Variants in ADAMTSL3 observed in about 807,000 individuals in gnomAD.
The protein encoded by ADAMTSL3 is ADAMTS like 3, also known as ADAMTS-like protein 3.
In ADAMTSL3, 128 loss-of-function variants were observed where a neutral mutation model predicts 201.7. That is an observed-to-expected ratio of 0.63 (90% CI 0.55 to 0.73). ADAMTSL3 has a LOEUF of 0.73. ADAMTSL3 is among the 30% of genes least tolerant of loss of function. The probability of loss-of-function intolerance (pLI) is 0.00; values close to 1 mark genes in which losing one functional copy is unlikely to be tolerated. For missense variants in ADAMTSL3, 1,990 were observed against 2,119.6 expected (o/e 0.94, Z 1.20); for synonymous variants, 738 against 748.4 (o/e 0.99, Z 0.23).
At chr15:83,885,753 C>G (rs2141871975) in intron 10 of ADAMTSL3, among the ~76,000 whole-genome samples, 1 of 150,752 alleles carries the variant, frequency 6.6e-6, no homozygotes, top group African/African-American at 2.4e-5. Flanking sequence ...TTTTTTGAGT[C>G]TCGCTCTGTC....
At chr15:83,924,218 A>G (rs149603468) in intron 17 of ADAMTSL3, among the ~76,000 whole-genome samples, 185 bp downstream of exon 17, 4 of 152,358 alleles carry the variant, frequency 2.6e-5, no homozygotes, top group African/African-American at 9.6e-5. Context: ...AGATGCAGCC[A>G]TGTTGCACAG....
chr15:84,036,527 G>A (rs556832813), intron 28 of ADAMTSL3, among the ~76,000 whole-genome samples: 1 of 152,182 alleles, frequency 6.6e-6, no homozygotes, highest in African/African-American at 2.4e-5. Flanking sequence ...CACATGGTTT[G>A]CTTGCCATGC....
chr15:84,024,738 T>C (rs750433358), intron 26 of ADAMTSL3, among the ~76,000 whole-genome samples: 4 of 152,248 alleles, frequency 2.6e-5, no homozygotes, highest in African/African-American at 9.6e-5. Context: ...CCAGCTCTGC[T>C]GGCAGGTTAG....
chr15:83,668,945 G>C (rs1254774099), intron 2 of ADAMTSL3, among the ~76,000 whole-genome samples: 1 of 152,118 alleles, frequency 6.6e-6, no homozygotes, highest in Non-Finnish European at 1.5e-5. Context: ...TTAAGCTTCT[G>C]CTTATGTCAT....
intron 2 of ADAMTSL3, among the ~76,000 whole-genome samples, chr15:83,663,666 C>G (rs2061207398): frequency 6.6e-6 from 1 of 152,236 alleles, no homozygotes; most frequent in African/African-American, 2.4e-5. Flanking sequence ...AAATGTACTT[C>G]CCATGACCTT....
chr15:83,911,466 G>T (rs193008672), intron 15 of ADAMTSL3, among the ~76,000 whole-genome samples: 1 of 152,038 alleles, frequency 6.6e-6, no homozygotes, highest in Non-Finnish European at 1.5e-5. Context: ...GGGATTTCTC[G>T]TCTTTAACCA....
At chr15:83,945,748 G>A (rs1324792843) in intron 19 of ADAMTSL3, 2 of 152,208 alleles carry the variant, frequency 1.3e-5, no homozygotes, top group Admixed American at 6.5e-5. Context: ...GTGGCCCAAG[G>A]ACTAGTCAAA....
chr15:84,022,713 A>G (rs770201338), intron 26 of ADAMTSL3, among the ~76,000 whole-genome samples: 9 of 152,200 alleles, frequency 5.9e-5, no homozygotes, highest in Non-Finnish European at 7.3e-5. Flanking sequence ...TGACTGACTG[A>G]GTAAATGAGT....
intron 9 of ADAMTSL3, among the ~76,000 whole-genome samples, chr15:83,872,627 C>CACACACACACACACACACACACAGAG (rs6145659): frequency 5.2e-4 from 73 of 141,008 alleles, no homozygotes; most frequent in African/African-American, 1.1e-3. Context: ...CACACACACA[C>CACACACACACACACACACACACAGAG]AGAGTTTTTG....
At chr15:84,009,474 A>G (rs954076091) in intron 23 of ADAMTSL3, among the ~76,000 whole-genome samples, 2 of 152,256 alleles carry the variant, frequency 1.3e-5, no homozygotes, top group African/African-American at 4.8e-5. Context: ...TGATCGAATA[A>G]TATATGTACT....
Position 83,764,862 on chromosome 15 carries a change from G to A in ADAMTSL3, c.190-8661G>A, listed in dbSNP as rs557955318. ...GTGTGCTCAGCATATGGGATATGTG[G>A]TGCTAGCAGGAGCCACCAGAGATGA... is the stretch of plus-strand genomic sequence containing the variant. On this transcript the variant is annotated intron_variant, in intron 3 of 29. Transcript: ENST00000286744. Among the ~76,000 whole-genome samples the A allele has an allele frequency of 2.0e-5, 3 of 152,296 alleles. No individual in the cohort carries two copies. In the South Asian group the frequency reaches 6.2e-4, roughly 32 times the overall value.
At chr15:83,849,022 G>A (rs2064556560) in intron 7 of ADAMTSL3, among the ~76,000 whole-genome samples, 1 of 152,126 alleles carries the variant, frequency 6.6e-6, no homozygotes, top group African/African-American at 2.4e-5. Context: ...CAATGAATGT[G>A]ATCAACAGGA....
intron 13 of ADAMTSL3, 123 bp downstream of exon 13, chr15:83,893,011 T>C: frequency 1.1e-6 from 1 of 897,024 alleles, no homozygotes; most frequent in East Asian, 2.7e-5. Flanking sequence ...GCATGGTTCC[T>C]ACTCCAAAGA....
chr15:83,886,835 A>G (rs2065401725), intron 10 of ADAMTSL3, among the ~76,000 whole-genome samples: 1 of 152,214 alleles, frequency 6.6e-6, no homozygotes, highest in Non-Finnish European at 1.5e-5. Flanking sequence ...TCCCCCTAAA[A>G]CAACAGGGCA....
intron 4 of ADAMTSL3, among the ~76,000 whole-genome samples, chr15:83,797,136 A>T (rs536722841): frequency 2.0e-5 from 3 of 152,246 alleles, no homozygotes; most frequent in Non-Finnish European, 4.4e-5. Context: ...TTGACAATGA[A>T]TATAACCAAT....
intron 3 of ADAMTSL3, among the ~76,000 whole-genome samples, chr15:83,720,008 C>T (rs2062075782): frequency 6.6e-6 from 1 of 152,076 alleles, no homozygotes; most frequent in Admixed American, 6.6e-5. Context: ...TCACTTGAGG[C>T]TAGGAGCTTG....
At chr15:83,771,139 G>A (rs1190654425) in intron 3 of ADAMTSL3, among the ~76,000 whole-genome samples, 3 of 149,338 alleles carry the variant, frequency 2.0e-5, no homozygotes, top group African/African-American at 7.4e-5. Flanking sequence ...GCTATACTGT[G>A]TCCTTATACT....
At chr15:83,695,462 G>T (rs1356992410) in intron 2 of ADAMTSL3, among the ~76,000 whole-genome samples, 1 of 151,884 alleles carries the variant, frequency 6.6e-6, no homozygotes, top group Non-Finnish European at 1.5e-5. Flanking sequence ...GGAAGCACTC[G>T]CAAGGCCCTG....
intron 7 of ADAMTSL3, among the ~76,000 whole-genome samples, chr15:83,856,899 G>A (rs1163070044): frequency 6.6e-6 from 1 of 152,058 alleles, no homozygotes; most frequent in Admixed American, 6.6e-5. Context: ...TATTTTCCAT[G>A]GTAGTTGTAC....
Sources: allele counts gnomAD v4.1 joint callset (sites outside exome capture counted in the v4.1 genomes callset), GRCh38; gene constraint gnomAD v4.1.1; transcripts MANE v1.5; gene names NCBI Gene and HGNC (gene_info 2026-07-23, HGNC 2026-07-21).